Variants in CD2AP observed in about 807,000 individuals in gnomAD.
CD2AP encodes CD2-associated protein.
Under a neutral mutation model 85.1 loss-of-function variants are expected in CD2AP, and 46 were observed. The ratio of observed to expected loss-of-function variants is 0.54; its 90% CI spans 0.43 to 0.69. The LOEUF (loss-of-function observed/expected upper bound fraction) is 0.69. Ranked by LOEUF, CD2AP falls within the 30% of genes least tolerant of loss-of-function variation. The pLI, the probability that CD2AP is intolerant of heterozygous loss-of-function variation, is 0.00. For missense variants in CD2AP, 769 were observed against 729.5 expected, an observed-to-expected ratio of 1.05 and a Z score of -0.62; for synonymous variants, 255 against 252.9, an observed-to-expected ratio of 1.01 and a Z score of -0.08.
At chr6:47,549,460 CAAAAAAAA>C (rs67626138) in intron 4 of CD2AP, among the ~76,000 whole-genome samples, 7 of 110,712 alleles carry the variant, frequency 6.3e-5, no homozygotes, top group Non-Finnish European at 1.1e-4. Flanking sequence ...ACAATAGCTG[CAAAAAAAA>C]AAAAAAAAAA....
intron 5 of CD2AP, among the ~76,000 whole-genome samples, chr6:47,564,987 A>G (rs1407977768): frequency 2.0e-5 from 3 of 151,824 alleles, no homozygotes; most frequent in Non-Finnish European, 4.4e-5. Context: ...TTTTTCCTCC[A>G]TCCTCTCTTA....
chr6:47,531,086 C>T (rs1766862477), intron 2 of CD2AP, among the ~76,000 whole-genome samples: 1 of 151,394 alleles, frequency 6.6e-6, no homozygotes, highest in African/African-American at 2.4e-5. Context: ...GCTATCTCTA[C>T]CCAAAAAAAA....
At chr6:47,547,048 T>G (rs1767382480) in intron 4 of CD2AP, among the ~76,000 whole-genome samples, 1 of 152,130 alleles carries the variant, frequency 6.6e-6, no homozygotes, top group Non-Finnish European at 1.5e-5. Context: ...AAGCAAATCC[T>G]AGAAACACAT....
chr6:47,541,334 C>G (rs963077507), intron 3 of CD2AP, among the ~76,000 whole-genome samples: 28 of 152,130 alleles, frequency 1.8e-4, no homozygotes, highest in African/African-American at 4.6e-4. Flanking sequence ...CCATGTTAGC[C>G]AGGATGGTCT....
intron 1 of CD2AP, among the ~76,000 whole-genome samples, chr6:47,502,792 T>C (rs1766030030): frequency 6.6e-6 from 1 of 151,848 alleles, no homozygotes; most frequent in South Asian, 2.1e-4. Context: ...GCACCTGGCC[T>C]GAACTCCTGA....
At chr6:47,613,461 G>T (rs1266990801) in intron 17 of CD2AP, among the ~76,000 whole-genome samples, 4 of 151,916 alleles carry the variant, frequency 2.6e-5, no homozygotes, top group Non-Finnish European at 1.5e-5. Context: ...AGAGTTCTTG[G>T]GTGACTAAGG....
intron 2 of CD2AP, among the ~76,000 whole-genome samples, chr6:47,529,946 C>T (rs950247252): frequency 1.3e-5 from 2 of 152,184 alleles, no homozygotes; most frequent in East Asian, 1.9e-4. Flanking sequence ...GTCTTCATTC[C>T]TCAGAAGCTC....
intron 1 of CD2AP, among the ~76,000 whole-genome samples, chr6:47,502,638 C>T (rs1363519054): frequency 5.3e-5 from 8 of 151,972 alleles, no homozygotes; most frequent in African/African-American, 2.4e-5. Context: ...GGATTACTGG[C>T]GCCCACCACC....
intron 4 of CD2AP, 71 bp downstream of exon 4, chr6:47,544,777 G>C (rs538347527): frequency 1.1e-6 from 1 of 914,552 alleles, no homozygotes; most frequent in East Asian, 2.4e-5. Context: ...AAAATTAATT[G>C]TAAGAATATT....
chr6:47,595,372 C>G (rs1199819163), intron 11 of CD2AP, among the ~76,000 whole-genome samples: 1 of 151,912 alleles, frequency 6.6e-6, no homozygotes, highest in African/African-American at 2.4e-5. Flanking sequence ...CAGTCTTGCC[C>G]TAGTTTCTCT....
intron 6 of CD2AP, among the ~76,000 whole-genome samples, chr6:47,575,077 G>A (rs959958036): frequency 3.9e-5 from 6 of 152,028 alleles, no homozygotes; most frequent in East Asian, 1.9e-4. Context: ...AACTTGCTAC[G>A]TATTTTCTTA....
intron 11 of CD2AP, among the ~76,000 whole-genome samples, chr6:47,584,448 C>G (rs1404851186): frequency 7.1e-6 from 1 of 140,438 alleles, no homozygotes; most frequent in East Asian, 2.1e-4. Context: ...ATGTGAATGT[C>G]TAGTTGATCC....
intron 3 of CD2AP, among the ~76,000 whole-genome samples, chr6:47,537,244 G>T (rs182486381): frequency 3.3e-5 from 5 of 152,282 alleles, no homozygotes; most frequent in African/African-American, 9.6e-5. Flanking sequence ...GAAGAAAATA[G>T]TAACATTCTG....
intron 2 of CD2AP, among the ~76,000 whole-genome samples, chr6:47,506,854 C>G (rs1021726474): frequency 3.4e-5 from 5 of 147,952 alleles, no homozygotes; most frequent in African/African-American, 7.5e-5. Context: ...AGGGAGAGAG[C>G]GGCTGTGGCA....
rs116187490 is a variant in CD2AP, at chr6:47,493,168, A to G, written c.5-10112A>G. Among the ~76,000 whole-genome samples, 547 of 152,068 alleles carry G rather than the reference A, an allele frequency of 3.6e-3. 3 individuals are homozygous for G. The highest frequency in any genetic ancestry group is 0.012 in the African/African-American group (518 of 41,502). The stretch of plus-strand genomic sequence containing the variant: ...TGTTTTATCTTCATTTATTCCTTCT[A>G]TGCTTCTTCTTCATATTGATTTGAG... On this transcript the variant is annotated intron_variant, in intron 1 of 17. Coordinates refer to ENST00000359314, the MANE Select transcript of CD2AP (RefSeq NM_012120.3).
At chr6:47,583,648 G>A (rs915082077) in intron 11 of CD2AP, among the ~76,000 whole-genome samples, 3 of 152,130 alleles carry the variant, frequency 2.0e-5, no homozygotes, top group African/African-American at 7.2e-5. Flanking sequence ...ATATTCCACA[G>A]TTTATTAATC....
chr6:47,573,752 G>T (rs1768221512), intron 5 of CD2AP, among the ~76,000 whole-genome samples: 2 of 152,034 alleles, frequency 1.3e-5, no homozygotes, highest in Admixed American at 6.6e-5. Flanking sequence ...GCCTCCCAGA[G>T]TGCTGGGATT....
Position 47,508,534 on chromosome 6 carries a change from C to CTTTTTTTTTTGTTTTTTTTTT in CD2AP, c.165+5104_165+5105insGTTTTTTTTTTTTTTTTTTTT, listed in dbSNP as rs1766235203. ...CTAATGACTCAAACTTTCTTTCTTT[C>CTTTTTTTTTTGTTTTTTTTTT]TTTTTTTTTTTGTTTTTTTTTTTTT... On this transcript the variant is annotated intron_variant, in intron 2 of 17. Coordinates refer to ENST00000359314, the MANE Select transcript of CD2AP (RefSeq NM_012120.3). 2.3e-5 allele frequency among the ~76,000 whole-genome samples: 3 copies of CTTTTTTTTTTGTTTTTTTTTT among 129,408 alleles called. 1 individual carries two copies. The highest frequency in any genetic ancestry group is 1.6e-5 in the Non-Finnish European group (1 of 62,330). 84.9% of individuals were successfully genotyped at this position (129,408 alleles called of 152,430 possible).
At chr6:47,563,216 A>G (rs1342306165) in intron 5 of CD2AP, among the ~76,000 whole-genome samples, 1 of 152,206 alleles carries the variant, frequency 6.6e-6, no homozygotes, top group African/African-American at 2.4e-5. Context: ...CAGAGGTGCA[A>G]GTATCACATC....
Sources: gnomAD v4.1 joint callset for allele counts (sites outside exome capture counted in the v4.1 genomes callset) on GRCh38, gnomAD v4.1.1 for gene constraint, MANE v1.5 for transcripts, NCBI Gene and HGNC (gene_info 2026-07-23, HGNC 2026-07-21) for gene names.